Variants in PTPRM observed in about 807,000 individuals in gnomAD.
The protein encoded by PTPRM is protein tyrosine phosphatase receptor type M.
PTPRM carries 47 observed loss-of-function variants against 186.7 expected under a neutral mutation model. The observed-to-expected ratio is 0.25, with a 90% confidence interval of 0.20 to 0.32. PTPRM has a LOEUF of 0.32. Ranked by LOEUF, PTPRM falls within the 10% of genes least tolerant of loss-of-function variation. The pLI is 1.00. For synonymous variants in PTPRM, 668 were observed against 674.9 expected (o/e 0.99, Z 0.16); for missense variants, 1,494 against 1,865.0 (o/e 0.80, Z 3.66).
chr18:8,062,742 T>TG (rs1323209969), intron 7 of PTPRM, among the ~76,000 whole-genome samples: 6 of 66,516 alleles, frequency 9.0e-5, no homozygotes, highest in South Asian at 1.2e-3. Flanking sequence ...GTGCCCCTGC[T>TG]GGGGGGTGCC....
chr18:7,689,941 A>G (rs1287772346), intron 1 of PTPRM, among the ~76,000 whole-genome samples: 2 of 152,208 alleles, frequency 1.3e-5, no homozygotes, highest in Non-Finnish European at 2.9e-5. Context: ...TATTTACATT[A>G]TCTTTTACAT....
intron 14 of PTPRM, among the ~76,000 whole-genome samples, chr18:8,240,291 T>G (rs1404648033): frequency 1.3e-5 from 2 of 151,882 alleles, no homozygotes; most frequent in South Asian, 2.1e-4. Context: ...ATGGCTCTTT[T>G]GGGTATATTG....
chr18:8,061,477 T>C (rs1239179572), intron 7 of PTPRM, among the ~76,000 whole-genome samples: 1 of 94,972 alleles, frequency 1.1e-5, no homozygotes, highest in Non-Finnish European at 2.2e-5. Flanking sequence ...AATATTGTTA[T>C]GTGTGAATTT....
intron 7 of PTPRM, among the ~76,000 whole-genome samples, chr18:8,025,156 G>T (rs981897412): frequency 2.6e-5 from 4 of 152,106 alleles, no homozygotes; most frequent in Non-Finnish European, 5.9e-5. Context: ...TTTTTTAGAT[G>T]AAAGTTTGGG....
At chr18:8,346,482 A>G (rs2095505832) in intron 23 of PTPRM, among the ~76,000 whole-genome samples, 1 of 152,156 alleles carries the variant, frequency 6.6e-6, no homozygotes, top group African/African-American at 2.4e-5. Context: ...CCCCACCTTA[A>G]TGACCTCATT....
Position 7,827,377 on chromosome 18 carries a change from A to T in PTPRM, c.196+53106A>T, listed in dbSNP as rs182286926. Among the ~76,000 whole-genome samples, 81 of 152,204 alleles carry T rather than the reference A, an allele frequency of 5.3e-4. 2 individuals carry two copies. In the East Asian group the frequency reaches 0.015, roughly 28 times the overall value. ...GCCTTGTAGCCCTTCTGGATTTTCT[A>T]TTAAAATTCACCTAATGGTAGAGGT... On this transcript the variant is annotated intron_variant, in intron 2 of 32. Transcript: ENST00000580170.
At chr18:7,954,846 G>T (rs2053208487) in intron 6 of PTPRM, among the ~76,000 whole-genome samples, 1 of 152,112 alleles carries the variant, frequency 6.6e-6, no homozygotes, top group African/African-American at 2.4e-5. Context: ...ATGCTAATTT[G>T]CATATGCTAT....
At chr18:8,395,093 A>G (rs72909668) in intron 32 of PTPRM, among the ~76,000 whole-genome samples, 4,466 of 152,346 alleles carry the variant, frequency 0.029, 89 homozygotes, top group Non-Finnish European at 0.046. Context: ...ATGAGAAACA[A>G]AGGACAATGT....
rs142335561 is a variant in PTPRM at position 7,683,279 on chromosome 18, CCCT to C, written c.74-90865_74-90863del. On this transcript the variant is annotated intron_variant, in intron 1 of 32. Transcript: ENST00000580170. ...CTCCTGGGCTCAAGCCATCCATCCTCCCTCCTCAGCCTCTCGAGTAGCTAGGAC... is the reference window on the plus strand; with the variant it reads ...CTCCTGGGCTCAAGCCATCCATCCTCCCTCAGCCTCTCGAGTAGCTAGGAC... 8.6e-3 allele frequency among the ~76,000 whole-genome samples: 1,312 copies of C among 151,834 alleles called. 19 individuals are homozygous for C. Among genetic ancestry groups the C allele is most frequent in the African/African-American group, 0.03 (1,240 of 41,352 alleles).
At chr18:8,058,042 A>G (rs1240783051) in intron 7 of PTPRM, among the ~76,000 whole-genome samples, 6 of 100,950 alleles carry the variant, frequency 5.9e-5, no homozygotes, top group Admixed American at 3.2e-4. Context: ...GACTTCCACA[A>G]TGGTTGAACT....
intron 5 of PTPRM, among the ~76,000 whole-genome samples, chr18:7,929,377 G>A (rs1016964071): frequency 6.6e-6 from 1 of 151,974 alleles, no homozygotes; most frequent in African/African-American, 2.4e-5. Flanking sequence ...TTTTTCTCTT[G>A]CTGAGTCTTT....
At chr18:7,862,265 T>C (rs2047427718) in intron 2 of PTPRM, among the ~76,000 whole-genome samples, 1 of 152,224 alleles carries the variant, frequency 6.6e-6, no homozygotes, top group African/African-American at 2.4e-5. Context: ...TAGCAATAAG[T>C]CTATTCACTC....
At chr18:7,608,937 A>G (rs938184374) in intron 1 of PTPRM, among the ~76,000 whole-genome samples, 3 of 152,176 alleles carry the variant, frequency 2.0e-5, no homozygotes, top group African/African-American at 7.2e-5. Flanking sequence ...ACATCTGGAA[A>G]ACTCTTAAAG....
intron 14 of PTPRM, among the ~76,000 whole-genome samples, chr18:8,229,551 A>C (rs1056051320): frequency 6.6e-6 from 1 of 152,174 alleles, no homozygotes; most frequent in African/African-American, 2.4e-5. Context: ...ATGTTGGTTT[A>C]GCATATGATT....
intron 1 of PTPRM, among the ~76,000 whole-genome samples, chr18:7,716,932 C>T (rs753497418): frequency 1.3e-5 from 2 of 151,688 alleles, no homozygotes; most frequent in Non-Finnish European, 3.0e-5. Context: ...TTCCTAGAAA[C>T]TAGAAAACCA....
chr18:7,983,248 C>A (rs1311491283), intron 7 of PTPRM, among the ~76,000 whole-genome samples: 1 of 151,964 alleles, frequency 6.6e-6, no homozygotes, highest in Non-Finnish European at 1.5e-5. Context: ...GAGTGCAAAC[C>A]CTATTATGAA....
chr18:7,677,647 T>A (rs910782248), intron 1 of PTPRM, among the ~76,000 whole-genome samples: 1 of 152,156 alleles, frequency 6.6e-6, no homozygotes, highest in African/African-American at 2.4e-5. Context: ...TGGAGAGCCT[T>A]CTTCCATGAT....
intron 3 of PTPRM, among the ~76,000 whole-genome samples, chr18:7,891,494 A>C (rs2049078123): frequency 6.6e-6 from 1 of 152,190 alleles, no homozygotes; most frequent in Admixed American, 6.5e-5. Flanking sequence ...TTTTATATAA[A>C]TGTACTGGTG....
chr18:7,753,279 T>C (rs1196293841), intron 1 of PTPRM, among the ~76,000 whole-genome samples: 1 of 152,186 alleles, frequency 6.6e-6, no homozygotes, highest in East Asian at 1.9e-4. Context: ...AGGTAGATAT[T>C]TTTCTTCATT....
Sources: allele counts gnomAD v4.1 joint callset (sites outside exome capture counted in the v4.1 genomes callset), GRCh38; gene constraint gnomAD v4.1.1; transcripts MANE v1.5; gene names NCBI Gene and HGNC (gene_info 2026-07-23, HGNC 2026-07-21).